Variants in H2AC16 observed in about 807,000 individuals in gnomAD.
H2AC16 encodes the protein H2A clustered histone 16, also known as histone H2A type 1.
H2AC16 carries 11 observed loss-of-function variants against 6.6 expected under a neutral mutation model. The ratio of observed to expected loss-of-function variants is 1.67; its 90% CI spans 1.05 to 2.77. H2AC16 has a LOEUF of 2.77. Among genes scored for constraint, H2AC16 ranks in the 30% most tolerant of loss-of-function variants. The probability of loss-of-function intolerance (pLI) is 0.00; values close to 1 mark genes in which losing one functional copy is unlikely to be tolerated. For synonymous variants in H2AC16, 131 were observed against 80.8 expected, an observed-to-expected ratio of 1.62 and a Z score of -3.33; for missense variants, 212 against 177.1, an observed-to-expected ratio of 1.20 and a Z score of -1.12.
At position 27,865,489 on chromosome 6, in the gene H2AC16, G is replaced by T. The variant is rs769005541; in HGVS notation, c.135G>T (p.Gly45=). The T allele has an allele frequency of 6.2e-7, 1 of 1,614,014 alleles. No homozygotes were observed. Among genetic ancestry groups the T allele is most frequent in the Non-Finnish European group, 8.5e-7 (1 of 1,179,926 alleles). The part of the protein sequence containing the change: ...LRKGNYAERV[G]AGAPVYLAAV... ...AGGGCAACTATGCTGAGCGGGTCGGGGCCGGCGCGCCGGTGTACCTGGCGG... is the reference window on the plus strand; with the variant it reads ...AGGGCAACTATGCTGAGCGGGTCGGTGCCGGCGCGCCGGTGTACCTGGCGG... Residue 45 remains glycine (G), a synonymous_variant, in exon 1 of 1, where the codon GGG becomes GGT. Coordinates refer to ENST00000613174, the MANE Select transcript of H2AC16 (RefSeq NM_003511.3).
At position 27,865,720 on chromosome 6, in the gene H2AC16, G is replaced by A. The variant is rs1354647769; in HGVS notation, c.366G>A (p.Glu122=). Residue 122 remains glutamate, a synonymous_variant, in exon 1 of 1, where the codon GAG becomes GAA. Transcript: ENST00000613174. The part of the protein sequence containing the change: ...IQAVLLPKKT[E]SHHKAKGK ...CTGTGCTACTGCCCAAGAAGACCGAGAGTCACCACAAGGCCAAAGGCAAAT... is the reference window on the plus strand; with the variant it reads ...CTGTGCTACTGCCCAAGAAGACCGAAAGTCACCACAAGGCCAAAGGCAAAT... The A allele has an allele frequency of 2.5e-6, 4 of 1,614,050 alleles. No individual in the cohort carries two copies. The highest frequency in any genetic ancestry group is 1.1e-5 in the South Asian group (1 of 91,090).
Position 27,865,554 on chromosome 6 carries a change from C to T in H2AC16, c.200C>T (p.Ala67Val). Residue 67 changes from alanine to valine, a missense_variant, in exon 1 of 1, where the codon GCG (alanine) becomes GTG (valine). Ala to Val is a moderately conservative substitution (Grantham distance 64). Transcript: ENST00000613174. ...EYLTAEILEL[A>V]GNAARDNKKT... ...CTGACTGCCGAGATCCTGGAGCTGG[C>T]GGGCAACGCCGCCCGCGACAACAAG... The T allele has an allele frequency of 6.2e-7, 1 of 1,614,206 alleles. No individual in the cohort carries two copies. The highest frequency in any genetic ancestry group is 8.5e-7 in the Non-Finnish European group (1 of 1,180,038).
In H2AC16 at chr6:27,865,609, G is replaced by A. The variant is rs1368371323; in HGVS notation, c.255G>A (p.Gln85=). 1 of 1,614,232 alleles carries A rather than the reference G, an allele frequency of 6.2e-7. No individual in the cohort carries two copies. The highest frequency in any genetic ancestry group is 1.7e-5 in the Admixed American group (1 of 60,030). Residue 85 remains glutamine (Q), a synonymous_variant, in exon 1 of 1, where the codon CAG becomes CAA. Transcript: ENST00000613174. ...KKTRIIPRHL[Q]LAIRNDEELN... The stretch of plus-strand genomic sequence containing the variant: ...CCCGCATTATCCCGCGCCACTTGCA[G>A]CTGGCCATCCGCAACGACGAGGAGC...
Position 27,865,421 on chromosome 6 carries a change from G to C in H2AC16, c.67G>C (p.Gly23Arg). The C allele has an allele frequency of 6.2e-7, 1 of 1,613,676 alleles. No individual in the cohort carries two copies. Among genetic ancestry groups the C allele is most frequent in the South Asian group, 1.1e-5 (1 of 91,056 alleles). The part of the protein sequence containing the change: ...AKAKTRSSRA[G>R]LQFPVGRVHR... ...AGCCAAGACCCGCTCTTCTCGTGCC[G>C]GTCTCCAGTTCCCCGTGGGCCGAGT... is the stretch of plus-strand genomic sequence containing the variant. Residue 23 changes from glycine to arginine, a missense_variant, in exon 1 of 1, where the codon GGT becomes CGT. Coordinates refer to ENST00000613174, the MANE Select transcript of H2AC16 (RefSeq NM_003511.3).
chr6:27,865,443 G>T lies in H2AC16; in HGVS notation c.89G>T (p.Arg30Leu), dbSNP rs1475087480. The change falls in exon 1 of 1, where the codon CGA becomes CTA. Residue 30 changes from arginine to leucine, a missense_variant. Arg to Leu is a moderately radical substitution (Grantham distance 102). Coordinates refer to ENST00000613174, the MANE Select transcript of H2AC16 (RefSeq NM_003511.3). ...GCCGGTCTCCAGTTCCCCGTGGGCC[G>T]AGTGCACCGACTGCTCCGCAAGGGC... is the stretch of plus-strand genomic sequence containing the variant. ...SRAGLQFPVGRVHRLLRKGNY... is the reference protein window; with the variant it reads ...SRAGLQFPVGLVHRLLRKGNY... 1 of 1,614,020 alleles carries T rather than the reference G, an allele frequency of 6.2e-7. No individual in the cohort carries two copies. The highest frequency in any genetic ancestry group is 8.5e-7 in the Non-Finnish European group (1 of 1,179,942).
Position 27,865,388 on chromosome 6 carries a change from C to T in H2AC16, c.34C>T (p.Arg12Cys). Residue 12 changes from arginine (R) to cysteine (C), a missense_variant, in exon 1 of 1, where the codon CGC becomes TGC. Coordinates refer to ENST00000613174, the MANE Select transcript of H2AC16 (RefSeq NM_003511.3). The part of the protein sequence containing the change: ...SGRGKQGGKA[R>C]AKAKTRSSRA... The stretch of plus-strand genomic sequence containing the variant: ...ACGCGGCAAGCAGGGAGGCAAAGCT[C>T]GCGCCAAAGCCAAGACCCGCTCTTC... 4.3e-6 allele frequency: 7 copies of T among 1,610,898 alleles called. No individual in the cohort carries two copies. Among genetic ancestry groups the T allele is most frequent in the Non-Finnish European group, 5.9e-6 (7 of 1,177,804 alleles).
chr6:27,865,600 C>T lies in H2AC16; in HGVS notation c.246C>T (p.Arg82=), dbSNP rs773240444. The T allele has an allele frequency of 8.1e-5, 130 of 1,614,096 alleles. No individual in the cohort carries two copies. Among genetic ancestry groups the T allele is most frequent in the Non-Finnish European group, 1.0e-4 (121 of 1,180,046 alleles). Residue 82 remains arginine (R), a synonymous_variant, in exon 1 of 1, where the codon CGC becomes CGT. Transcript: ENST00000613174. ...ACAAGAAGACCCGCATTATCCCGCGCCACTTGCAGCTGGCCATCCGCAACG... is the reference window on the plus strand; with the variant it reads ...ACAAGAAGACCCGCATTATCCCGCGTCACTTGCAGCTGGCCATCCGCAACG... ...RDNKKTRIIP[R]HLQLAIRNDE... is the part of the protein sequence containing the mutation.
chr6:27,865,378 A>C lies in H2AC16; in HGVS notation c.24A>C (p.Gly8=), dbSNP rs2113910884. 6.2e-7 allele frequency: 1 copy of C among 1,608,914 alleles called. No homozygotes were observed. The highest frequency in any genetic ancestry group is 8.5e-7 in the Non-Finnish European group (1 of 1,176,480). The change falls in exon 1 of 1, where the codon GGA becomes GGC. Residue 8 remains glycine, a synonymous_variant. Coordinates refer to ENST00000613174, the MANE Select transcript of H2AC16 (RefSeq NM_003511.3). ...TCATGTCGGGACGCGGCAAGCAGGG[A>C]GGCAAAGCTCGCGCCAAAGCCAAGA... The part of the protein sequence containing the change: MSGRGKQ[G]GKARAKAKTR...
chr6:27,865,390 C>T lies in H2AC16; in HGVS notation c.36C>T (p.Arg12=). Residue 12 remains arginine (R), a synonymous_variant, in exon 1 of 1, where the codon CGC becomes CGT. Coordinates refer to ENST00000613174, the MANE Select transcript of H2AC16 (RefSeq NM_003511.3). ...SGRGKQGGKA[R]AKAKTRSSRA... ...GCGGCAAGCAGGGAGGCAAAGCTCGCGCCAAAGCCAAGACCCGCTCTTCTC... is the reference window on the plus strand; with the variant it reads ...GCGGCAAGCAGGGAGGCAAAGCTCGTGCCAAAGCCAAGACCCGCTCTTCTC... 1 of 1,611,530 alleles carries T rather than the reference C, an allele frequency of 6.2e-7. No individual in the cohort carries two copies. Among genetic ancestry groups the T allele is most frequent in the Non-Finnish European group, 8.5e-7 (1 of 1,178,156 alleles).
chr6:27,865,476 C>G lies in H2AC16; in HGVS notation c.122C>G (p.Ala41Gly), dbSNP rs1485438538. The G allele has an allele frequency of 8.1e-6, 13 of 1,614,038 alleles. No individual in the cohort carries two copies. The highest frequency in any genetic ancestry group is 1.1e-5 in the Non-Finnish European group (13 of 1,179,934). Residue 41 changes from alanine to glycine, a missense_variant, in exon 1 of 1, where the codon GCT becomes GGT. Physicochemically the swap from Ala to Gly is moderately conservative, Grantham distance 60. Coordinates refer to ENST00000613174, the MANE Select transcript of H2AC16 (RefSeq NM_003511.3). ...VHRLLRKGNY[A>G]ERVGAGAPVY... ...CGACTGCTCCGCAAGGGCAACTATG[C>G]TGAGCGGGTCGGGGCCGGCGCGCCG...
In H2AC16 at chr6:27,865,665, C is replaced by T. The variant is rs767231732; in HGVS notation, c.311C>T (p.Ala104Val). ...AAGCTGCTGGGCAAAGTAACCATCG[C>T]TCAGGGTGGTGTCCTGCCCAACATC... ...LNKLLGKVTI[A>V]QGGVLPNIQA... The change falls in exon 1 of 1, where the codon GCT becomes GTT. Residue 104 changes from alanine (A) to valine (V), a missense_variant. Ala to Val is a moderately conservative substitution (Grantham distance 64). Transcript: ENST00000613174. 1.9e-6 allele frequency: 3 copies of T among 1,614,124 alleles called. No individual in the cohort carries two copies. Among genetic ancestry groups the T allele is most frequent in the African/African-American group, 1.3e-5 (1 of 74,950 alleles).
Position 27,865,535 on chromosome 6 carries a change from G to C in H2AC16, c.181G>C (p.Ala61Pro), listed in dbSNP as rs368720914. 315 of 1,614,198 alleles carry C rather than the reference G, an allele frequency of 2.0e-4. 3 individuals carry two copies. The highest frequency in any genetic ancestry group is 1.8e-3 in the South Asian group (166 of 91,088). ...YLAAVLEYLT[A>P]EILELAGNAA... ...GGCGGCGGTGCTGGAGTACCTGACT[G>C]CCGAGATCCTGGAGCTGGCGGGCAA... The change falls in exon 1 of 1, where the codon GCC becomes CCC. Residue 61 changes from alanine (A) to proline (P), a missense_variant. Coordinates refer to ENST00000613174, the MANE Select transcript of H2AC16 (RefSeq NM_003511.3).
chr6:27,865,793 C>A lies in H2AC16; in HGVS notation c.*46C>A. 6.3e-7 allele frequency: 1 copy of A among 1,591,860 alleles called. No homozygotes were observed. The highest frequency in any genetic ancestry group is 8.6e-7 in the Non-Finnish European group (1 of 1,165,608). ...CCAATACAACGGCTCTTTTCAGAGCCACCTACTATTTCTGCGGGAGAGCTG... is the reference window on the plus strand; with the variant it reads ...CCAATACAACGGCTCTTTTCAGAGCAACCTACTATTTCTGCGGGAGAGCTG... On this transcript the variant is annotated 3_prime_UTR_variant, in exon 1 of 1. Coordinates refer to ENST00000613174, the MANE Select transcript of H2AC16 (RefSeq NM_003511.3).
In H2AC16 at chr6:27,865,769, C is replaced by T. The variant is rs1372459453; in HGVS notation, c.*22C>T. The T allele has an allele frequency of 6.2e-7, 1 of 1,608,554 alleles. No individual in the cohort carries two copies. The highest frequency in any genetic ancestry group is 8.5e-7 in the Non-Finnish European group (1 of 1,175,722). ...ATAATGTCTCCATAGAATCACTTTC[C>T]AATACAACGGCTCTTTTCAGAGCCA... On this transcript the variant is annotated 3_prime_UTR_variant, in exon 1 of 1. Coordinates refer to ENST00000613174, the MANE Select transcript of H2AC16 (RefSeq NM_003511.3).
rs190008233 is a variant in H2AC16, at chr6:27,865,602, A to C, written c.248A>C (p.His83Pro). The stretch of plus-strand genomic sequence containing the variant: ...AAGAAGACCCGCATTATCCCGCGCC[A>C]CTTGCAGCTGGCCATCCGCAACGAC... Reference protein sequence around the residue: ...DNKKTRIIPRHLQLAIRNDEE... With the variant: ...DNKKTRIIPRPLQLAIRNDEE... The change falls in exon 1 of 1, where the codon CAC becomes CCC. Residue 83 changes from histidine to proline, a missense_variant. Coordinates refer to ENST00000613174, the MANE Select transcript of H2AC16 (RefSeq NM_003511.3). 14 of 1,614,100 alleles carry C rather than the reference A, an allele frequency of 8.7e-6. No individual in the cohort carries two copies. The African/African-American group carries it at 1.6e-4, about 18-fold the overall frequency.
rs142186318 is a variant in H2AC16, at chr6:27,865,657, A to C, written c.303A>C (p.Val101=). 7.4e-6 allele frequency: 12 copies of C among 1,614,120 alleles called. No homozygotes were observed. The highest frequency in any genetic ancestry group is 1.7e-6 in the Non-Finnish European group (2 of 1,180,042). Residue 101 remains valine, a synonymous_variant, in exon 1 of 1, where the codon GTA becomes GTC. Coordinates refer to ENST00000613174, the MANE Select transcript of H2AC16 (RefSeq NM_003511.3). ...AGCTCAACAAGCTGCTGGGCAAAGT[A>C]ACCATCGCTCAGGGTGGTGTCCTGC... ...DEELNKLLGK[V]TIAQGGVLPN...
rs201760429 is a variant in H2AC16 at position 27,865,777 on chromosome 6, C to A, written c.*30C>A. The A allele has an allele frequency of 5.0e-6, 8 of 1,603,814 alleles. No homozygotes were observed. The highest frequency in any genetic ancestry group is 6.0e-6 in the Non-Finnish European group (7 of 1,172,374). ...TCCATAGAATCACTTTCCAATACAA[C>A]GGCTCTTTTCAGAGCCACCTACTAT... On this transcript the variant is annotated 3_prime_UTR_variant, in exon 1 of 1. Transcript: ENST00000613174.
At position 27,865,786 on chromosome 6, in the gene H2AC16, T is replaced by C. The variant is rs1285307519; in HGVS notation, c.*39T>C. The C allele has an allele frequency of 1.3e-5, 21 of 1,599,300 alleles. No homozygotes were observed. The highest frequency in any genetic ancestry group is 1.7e-5 in the Non-Finnish European group (20 of 1,169,494). On this transcript the variant is annotated 3_prime_UTR_variant, in exon 1 of 1. Transcript: ENST00000613174. The stretch of plus-strand genomic sequence containing the variant: ...TCACTTTCCAATACAACGGCTCTTT[T>C]CAGAGCCACCTACTATTTCTGCGGG...
At position 27,865,777 on chromosome 6, in the gene H2AC16, C is replaced by T. The variant is rs201760429; in HGVS notation, c.*30C>T. The T allele has an allele frequency of 8.7e-6, 14 of 1,603,696 alleles. No homozygotes were observed. Among genetic ancestry groups the T allele is most frequent in the East Asian group, 2.2e-5 (1 of 44,676 alleles). On this transcript the variant is annotated 3_prime_UTR_variant, in exon 1 of 1. Transcript: ENST00000613174. ...TCCATAGAATCACTTTCCAATACAA[C>T]GGCTCTTTTCAGAGCCACCTACTAT...
Sources: gnomAD v4.1 joint callset for allele counts on GRCh38, gnomAD v4.1.1 for gene constraint, MANE v1.5 for transcripts, NCBI Gene and HGNC (gene_info 2026-07-23, HGNC 2026-07-21) for gene names.